B4GALT6: variants seen among roughly 807,000 people sequenced by gnomAD.
B4GALT6 encodes the protein UDP-Gal:beta-GlcNAc beta-1,4-galactosyltransferase 6.
A neutral mutation model predicts 46.3 loss-of-function variants in B4GALT6; 14 were observed. The observed-to-expected ratio is 0.30, with a 90% confidence interval of 0.20 to 0.47. B4GALT6 has a LOEUF of 0.47. Ranked by LOEUF, B4GALT6 falls within the 20% of genes least tolerant of loss-of-function variation. B4GALT6 has a pLI of 0.99. For synonymous variants in B4GALT6, 168 were observed against 162.0 expected (o/e 1.04, Z -0.28); for missense variants, 386 against 480.1 (o/e 0.80, Z 1.83).
the B4GALT6 span, among the ~76,000 whole-genome samples, chr18:31,715,322 C>G: frequency 2.0e-5 from 3 of 152,056 alleles, no homozygotes; most frequent in East Asian, 5.8e-4. Flanking sequence ...AACTCCTGGG[C>G]TCAAATGATC....
intron 3 of B4GALT6, 89 bp downstream of exon 3, chr18:31,657,887 C>A (rs191416626): frequency 2.3e-4 from 213 of 930,668 alleles, no homozygotes; most frequent in Middle Eastern, 1.1e-3. Context: ...GTGCACATGA[C>A]CTGCTCCTGC....
chr18:31,697,165 AGAAGGCT>A, the B4GALT6 span, among the ~76,000 whole-genome samples: 1 of 152,250 alleles, frequency 6.6e-6, no homozygotes, highest in South Asian at 2.1e-4. Context: ...CCAACTACTC[AGAAGGCT>A]GAGGTGGGAG....
At chr18:31,632,012 A>C (rs1225139394) in intron 5 of B4GALT6, among the ~76,000 whole-genome samples, 1 of 152,216 alleles carries the variant, frequency 6.6e-6, no homozygotes, top group Admixed American at 6.5e-5. Context: ...TTTATTTATC[A>C]GTGAACATAT....
chr18:31,652,022 G>A (rs567081712), intron 3 of B4GALT6, among the ~76,000 whole-genome samples: 26 of 152,102 alleles, frequency 1.7e-4, no homozygotes, highest in Middle Eastern at 3.4e-3. Context: ...TGCCCGCCTC[G>A]GCCTCTCAAA....
chr18:31,631,118 A>G lies in B4GALT6; in HGVS notation c.617T>C (p.Met206Thr). Residue 206 changes from methionine to threonine, a missense_variant, in exon 6 of 9, where the codon ATG becomes ACG. By Grantham distance (81) the Met-to-Thr change is moderately conservative. This residue lies in a region of B4GALT6 where 323 missense variants were observed against 438.9 expected (regional missense o/e 0.74). Coordinates refer to ENST00000306851, the MANE Select transcript of B4GALT6 (RefSeq NM_004775.5). Reference sequence around the variant, plus strand: ...CTCTTTGAAGCCCACATTGAAAAGCATCGCACGGTTAAAAGGTTGTGTGCC... The same window carrying G: ...CTCTTTGAAGCCCACATTGAAAAGCGTCGCACGGTTAAAAGGTTGTGTGCC... ...QTGTQPFNRAMLFNVGFKEAM... is the reference protein window; with the variant it reads ...QTGTQPFNRATLFNVGFKEAM... 20 of 1,614,038 alleles carry G rather than the reference A, an allele frequency of 1.2e-5. No individual in the cohort carries two copies. Among genetic ancestry groups the G allele is most frequent in the Non-Finnish European group, 1.7e-5 (20 of 1,180,006 alleles).
At chr18:31,653,920 AT>A (rs113848337) in intron 3 of B4GALT6, among the ~76,000 whole-genome samples, 3,455 of 144,416 alleles carry the variant, frequency 0.024, 105 homozygotes, top group African/African-American at 0.068. Context: ...CTCCCATCTC[AT>A]TTTTTTTTTT....
At chr18:31,642,859 A>G (rs867454395) in intron 4 of B4GALT6, among the ~76,000 whole-genome samples, 40 of 152,232 alleles carry the variant, frequency 2.6e-4, no homozygotes, top group Middle Eastern at 3.4e-3. Flanking sequence ...TAATTTTTTT[A>G]TTTTTAGTAG....
chr18:31,652,958 T>C (rs764951717), intron 3 of B4GALT6, among the ~76,000 whole-genome samples: 1 of 152,102 alleles, frequency 6.6e-6, no homozygotes, highest in Admixed American at 6.5e-5. Context: ...ATCATTCACC[T>C]GCCTAAAGCC....
Position 31,662,462 on chromosome 18 carries a change from A to G in B4GALT6, c.232+3794T>C, listed in dbSNP as rs187620279. 2.6e-5 allele frequency among the ~76,000 whole-genome samples: 4 copies of G among 152,362 alleles called. No homozygotes were observed. The East Asian group carries it at 7.7e-4, about 29-fold the overall frequency. On this transcript the variant is annotated intron_variant, in intron 2 of 8. Transcript: ENST00000306851. ...AGCACCTAATAATAGTACCTACAAC[A>G]TAGTAGGAACATACTATAAATAAAC... is the stretch of plus-strand genomic sequence containing the variant.
the B4GALT6 span, among the ~76,000 whole-genome samples, chr18:31,723,473 C>A: frequency 2.0e-5 from 3 of 152,108 alleles, no homozygotes; most frequent in Non-Finnish European, 4.4e-5. Context: ...TGAAGAGTGG[C>A]GCTGTAGCTT....
chr18:31,669,392 T>C (rs2074323701), intron 1 of B4GALT6, among the ~76,000 whole-genome samples: 2 of 152,018 alleles, frequency 1.3e-5, no homozygotes, highest in Non-Finnish European at 2.9e-5. Context: ...CTCCCTTTTA[T>C]TTTTATAAGA....
intron 5 of B4GALT6, among the ~76,000 whole-genome samples, chr18:31,637,168 G>A (rs1256435670): frequency 6.6e-6 from 1 of 152,228 alleles, no homozygotes; most frequent in Non-Finnish European, 1.5e-5. Context: ...ACTACAAAAA[G>A]TAAGTCAAGG....
chr18:31,625,535 A>G lies in B4GALT6; in HGVS notation c.*79T>C. 2.0e-6 allele frequency: 3 copies of G among 1,518,750 alleles called. No individual in the cohort carries two copies. Among genetic ancestry groups the G allele is most frequent in the African/African-American group, 2.8e-5 (2 of 71,940 alleles). The allele number at this position is 1,518,750 out of a possible 1,614,324, so 94.1% of individuals were successfully genotyped here. A position where few individuals can be genotyped will look rare whatever the true frequency, so the allele number is the denominator to read the frequency against. ...AGAAAAGGGCACTGTGACACAGCCA[A>G]TCACTGACCTCCACTAAGAGCGCGC... On this transcript the variant is annotated 3_prime_UTR_variant, in exon 9 of 9. Transcript: ENST00000306851.
At chr18:31,684,630 GA>G, upstream of B4GALT6, 1 of 1,270,842 alleles carries the variant, frequency 7.9e-7, no homozygotes. Flanking sequence ...AGAGTCGGGG[GA>G]GGGGAGGCGC....
intron 2 of B4GALT6, among the ~76,000 whole-genome samples, chr18:31,661,708 A>G (rs2074219529): frequency 6.6e-6 from 1 of 152,218 alleles, no homozygotes; most frequent in African/African-American, 2.4e-5. Context: ...ACAATAAATA[A>G]GGTTGTCCTT....
chr18:31,716,822 G>T, the B4GALT6 span, among the ~76,000 whole-genome samples: 1 of 152,164 alleles, frequency 6.6e-6, no homozygotes, highest in Non-Finnish European at 1.5e-5. Context: ...AAATTAGTAG[G>T]CCGGGTGCCA....
intron 2 of B4GALT6, among the ~76,000 whole-genome samples, chr18:31,662,306 C>T (rs771116172): frequency 3.9e-5 from 6 of 152,198 alleles, no homozygotes; most frequent in Non-Finnish European, 5.9e-5. Flanking sequence ...GAAACACCTC[C>T]ACACTCCTTC....
chr18:31,631,167 G>GA, intron 5 of B4GALT6, 21 bp from the exon 6 acceptor site: 3 of 1,517,102 alleles, frequency 2.0e-6, no homozygotes, highest in African/African-American at 1.5e-5. Context: ...CAGACCGAGA[G>GA]AAAAAAATAG....
intron 5 of B4GALT6, among the ~76,000 whole-genome samples, chr18:31,636,194 T>C (rs1791171): frequency 0.59 from 89,264 of 152,120 alleles, 28,282 homozygotes; most frequent in African/African-American, 0.85. Context: ...AACTATTAAG[T>C]TTCTGGAAGA....
Sources: gnomAD v4.1 joint callset for allele counts (sites outside exome capture counted in the v4.1 genomes callset) on GRCh38, gnomAD v4.1.1 for gene constraint, gnomAD v4.1.1 regional missense constraint, MANE v1.5 for transcripts, NCBI Gene and HGNC (gene_info 2026-07-23, HGNC 2026-07-21) for gene names.